Variants in AASDH observed in about 807,000 individuals in gnomAD.
The protein encoded by AASDH is beta-alanine-activating enzyme.
Under a neutral mutation model 102.3 loss-of-function variants are expected in AASDH, and 81 were observed. That is an observed-to-expected ratio of 0.79 (90% CI 0.66 to 0.95). The LOEUF (loss-of-function observed/expected upper bound fraction) is 0.95. Among genes scored for constraint, AASDH ranks in the 40% least tolerant of loss-of-function variants. The pLI is 0.00. For synonymous variants in AASDH, 398 were observed against 454.0 expected (o/e 0.88, Z 1.57); for missense variants, 1,203 against 1,266.2 (o/e 0.95, Z 0.76).
Position 56,384,056 on chromosome 4 carries a change from C to G in AASDH, c.230+14G>C. ...TTGGAGTAACATCAAATTTACAGTT[C>G]TAAAAAATATTACCCTAAAATCCAA... On this transcript the variant is annotated intron_variant, in intron 2 of 14. Coordinates refer to ENST00000205214, the MANE Select transcript of AASDH (RefSeq NM_181806.4). 1 of 1,599,428 alleles carries G rather than the reference C, an allele frequency of 6.3e-7. No individual in the cohort carries two copies. Among genetic ancestry groups the G allele is most frequent in the Non-Finnish European group, 8.6e-7 (1 of 1,167,176 alleles).
chr4:56,387,231 A>G (rs1404754478), intron 1 of AASDH, 131 bp downstream of exon 1: 2 of 152,336 alleles, frequency 1.3e-5, no homozygotes, highest in Non-Finnish European at 2.9e-5. Context: ...CCAGACCCCG[A>G]TGTATCAAAT....
At chr4:56,346,228 G>A (rs748623337) in intron 11 of AASDH, among the ~76,000 whole-genome samples, 1 of 152,192 alleles carries the variant, frequency 6.6e-6, no homozygotes, top group Non-Finnish European at 1.5e-5. Flanking sequence ...TCTCTAGACA[G>A]CTCTGCCTAT....
At chr4:56,359,859 T>C (rs1750099314) in intron 5 of AASDH, among the ~76,000 whole-genome samples, 1 of 152,118 alleles carries the variant, frequency 6.6e-6, no homozygotes, top group East Asian at 1.9e-4. Context: ...GCCCGGCCGA[T>C]GTTCTCCTTT....
At chr4:56,366,723 A>G (rs57979071) in intron 5 of AASDH, among the ~76,000 whole-genome samples, 13,072 of 150,670 alleles carry the variant, frequency 0.087, 640 homozygotes, top group East Asian at 0.24. Context: ...ACGTATCTCA[A>G]AATAATAAGA....
intron 10 of AASDH, among the ~76,000 whole-genome samples, chr4:56,350,434 A>G (rs1748868635): frequency 6.6e-6 from 1 of 152,156 alleles, no homozygotes; most frequent in Non-Finnish European, 1.5e-5. Flanking sequence ...CGCCTGGGCA[A>G]CAGAGTGAAT....
chr4:56,338,922 A>AAT, intron 14 of AASDH, 131 bp from the exon 15 acceptor site: 1 of 934,466 alleles, frequency 1.1e-6, no homozygotes, highest in Non-Finnish European at 1.6e-6. Flanking sequence ...ACACAGACAA[A>AAT]ATGGCTTTTT....
rs572364329 is a variant in AASDH, at chr4:56,351,467, A to G, written c.1577-10T>C. On this transcript the variant is annotated splice_polypyrimidine_tract_variant and intron_variant, in intron 9 of 14. Coordinates refer to ENST00000205214, the MANE Select transcript of AASDH (RefSeq NM_181806.4). Reference sequence around the variant, plus strand: ...GAAACATCAATTTTGCCTTAATATAAAAGAGAAATAACAAATGTTTTAAAA... The same window carrying G: ...GAAACATCAATTTTGCCTTAATATAGAAGAGAAATAACAAATGTTTTAAAA... 4.4e-6 allele frequency: 6 copies of G among 1,371,542 alleles called. No homozygotes were observed. The East Asian group carries it at 1.1e-4, about 26-fold the overall frequency. 85.0% of individuals were successfully genotyped at this position (1,371,542 alleles called of 1,614,324 possible).
chr4:56,384,182 T>TA lies in AASDH; in HGVS notation c.117dup (p.Asn40Ter), dbSNP rs778722562. The TA allele has an allele frequency of 2.5e-6, 4 of 1,614,164 alleles. No individual in the cohort carries two copies. The East Asian group carries it at 8.9e-5, about 36-fold the overall frequency. ...AAATTTGATAATTCAGAAGCAGCAT[T>TA]AACCACAGTCTTGTAGGTGTAGTAA... On this transcript the variant is annotated frameshift_variant, in exon 2 of 15. Coordinates refer to ENST00000205214, the MANE Select transcript of AASDH (RefSeq NM_181806.4). LOFTEE classifies it high-confidence loss of function.
chr4:56,350,225 C>T (rs868356274), intron 10 of AASDH, among the ~76,000 whole-genome samples, 167 bp from the exon 11 acceptor site: 23 of 152,308 alleles, frequency 1.5e-4, no homozygotes, highest in South Asian at 4.1e-4. Context: ...GAGGCCAAGG[C>T]GGGCAGATCA....
Position 56,338,315 on chromosome 4 carries a change from T to TTCTTTAA in AASDH, c.*86_*87insTTAAAGA. 7.1e-7 allele frequency: 1 copy of TTCTTTAA among 1,418,164 alleles called. No individual in the cohort carries two copies. The highest frequency in any genetic ancestry group is 9.5e-7 in the Non-Finnish European group (1 of 1,047,580). The allele number at this position is 1,418,164 out of a possible 1,614,324, so 87.8% of individuals were successfully genotyped here. On this transcript the variant is annotated 3_prime_UTR_variant, in exon 15 of 15. Transcript: ENST00000205214. ...TTTCTTAGCCAAAATATAATCTTCT[T>TTCTTTAA]TAATATAAAATAAGTCCACATGATG...
chr4:56,357,155 T>A (rs6554350), intron 5 of AASDH, among the ~76,000 whole-genome samples: 48,023 of 152,034 alleles, frequency 0.32, 8,954 homozygotes, highest in Non-Finnish European at 0.43. Context: ...ATAACTGTCT[T>A]AGTTGATTTG....
chr4:56,361,082 A>G (rs1285123301), intron 5 of AASDH, among the ~76,000 whole-genome samples: 1 of 152,148 alleles, frequency 6.6e-6, no homozygotes, highest in Non-Finnish European at 1.5e-5. Context: ...TTTGAACTCA[A>G]TAAATAAACA....
intron 10 of AASDH, 121 bp from the exon 11 acceptor site, chr4:56,350,179 G>T (rs1577975796): frequency 2.1e-6 from 2 of 949,538 alleles, no homozygotes; most frequent in Non-Finnish European, 3.0e-6. Flanking sequence ...TATAGGTCGG[G>T]TACAGTGGCT....
intron 5 of AASDH, chr4:56,356,927 G>T: frequency 1.2e-6 from 1 of 830,172 alleles, no homozygotes. Context: ...ACTAAACTGG[G>T]TTAAATGTAC....
At position 56,349,837 on chromosome 4, in the gene AASDH, G is replaced by A. The variant is rs1272878514; in HGVS notation, c.1914C>T (p.Phe638=). 1 of 1,614,128 alleles carries A rather than the reference G, an allele frequency of 6.2e-7. No homozygotes were observed. Among genetic ancestry groups the A allele is most frequent in the Non-Finnish European group, 8.5e-7 (1 of 1,179,990 alleles). The change falls in exon 11 of 15, where the codon TTC becomes TTT. Residue 638 remains phenylalanine (F), a synonymous_variant. Transcript: ENST00000205214. ...TCCTTTTTGTGGCACAACTCTTCCT[G>A]AATGTCACATCTTCATCTGGAACCA... ...QTVVPDEDVT[F]RKSCATKRKL... is the part of the protein sequence containing the mutation.
intron 14 of AASDH, among the ~76,000 whole-genome samples, chr4:56,341,040 A>T (rs1034488662): frequency 2.6e-5 from 4 of 152,232 alleles, no homozygotes; most frequent in African/African-American, 7.2e-5. Flanking sequence ...GTGGAGAAAA[A>T]GGAACTTACA....
intron 5 of AASDH, among the ~76,000 whole-genome samples, 178 bp from the exon 6 acceptor site, chr4:56,355,601 T>G (rs1749539171): frequency 6.7e-6 from 1 of 149,876 alleles, no homozygotes; most frequent in African/African-American, 2.5e-5. Context: ...TTGTTTTTTT[T>G]TTTTTTTTTT....
At chr4:56,379,549 C>T (rs1752741177) in intron 3 of AASDH, among the ~76,000 whole-genome samples, 1 of 151,534 alleles carries the variant, frequency 6.6e-6, no homozygotes, top group South Asian at 2.1e-4. Context: ...TGCTGTATAC[C>T]CGGGGGTAAA....
At chr4:56,369,777 T>C (rs1460318977) in intron 5 of AASDH, among the ~76,000 whole-genome samples, 1 of 151,132 alleles carries the variant, frequency 6.6e-6, no homozygotes, top group Non-Finnish European at 1.5e-5. Flanking sequence ...CTGTCTCTAT[T>C]AAAAATACAA....
Sources: allele counts gnomAD v4.1 joint callset (sites outside exome capture counted in the v4.1 genomes callset), GRCh38; gene constraint gnomAD v4.1.1; transcripts MANE v1.5; gene names NCBI Gene and HGNC (gene_info 2026-07-23, HGNC 2026-07-21).